The following CRACR2A variants were observed in gnomAD, a reference collection of about 807,000 sequenced individuals.
CRACR2A encodes calcium release activated channel regulator 2A, also known as EF-hand calcium-binding domain-containing protein 4B.
Under a neutral mutation model 90.5 loss-of-function variants are expected in CRACR2A, and 79 were observed. The observed-to-expected ratio is 0.87, with a 90% CI of 0.73 to 1.05. CRACR2A has a LOEUF of 1.05. Ranked by LOEUF, CRACR2A falls within the 50% of genes least tolerant of loss-of-function variation. The pLI, the probability that CRACR2A is intolerant of heterozygous loss-of-function variation, is 0.00. For missense variants in CRACR2A, 823 were observed against 897.2 expected (o/e 0.92, Z 1.06); for synonymous variants, 338 against 356.7 (o/e 0.95, Z 0.59).
chr12:3,664,828 G>A (rs1203292929), intron 7 of CRACR2A, among the ~76,000 whole-genome samples: 5 of 152,148 alleles, frequency 3.3e-5, no homozygotes, highest in South Asian at 2.1e-4. Context: ...CCAACATGGC[G>A]AAATCCCCTC....
chr12:3,692,097 C>T (rs1945657665), intron 4 of CRACR2A, among the ~76,000 whole-genome samples: 3 of 152,156 alleles, frequency 2.0e-5, no homozygotes, highest in Admixed American at 2.0e-4. Context: ...TCAATGTATG[C>T]CTGCATCTCA....
intron 2 of CRACR2A, chr12:3,728,819 TGTG>T (rs1946314014): frequency 6.6e-6 from 1 of 152,212 alleles, no homozygotes; most frequent in Admixed American, 6.5e-5. Context: ...AGCTGCCAGT[TGTG>T]GTCATGTTCA....
intron 7 of CRACR2A, among the ~76,000 whole-genome samples, chr12:3,666,688 G>A (rs2137541802): frequency 6.6e-6 from 1 of 152,354 alleles, no homozygotes; most frequent in Middle Eastern, 3.4e-3. Context: ...CAACATCACT[G>A]GAGCTCCAGC....
intron 7 of CRACR2A, among the ~76,000 whole-genome samples, chr12:3,660,068 T>G (rs1457647807): frequency 6.6e-6 from 1 of 152,226 alleles, no homozygotes; most frequent in East Asian, 1.9e-4. Flanking sequence ...GAAGTTGCAT[T>G]GTGTGGGTTT....
At chr12:3,675,094 T>C (rs1208075261) in intron 6 of CRACR2A, among the ~76,000 whole-genome samples, 1 of 152,330 alleles carries the variant, frequency 6.6e-6, no homozygotes, top group African/African-American at 2.4e-5. Context: ...AATTTGCTTG[T>C]CCATTACAGT....
At chr12:3,729,752 G>A (rs188121121) in intron 2 of CRACR2A, 1 of 152,330 alleles carries the variant, frequency 6.6e-6, no homozygotes, top group East Asian at 1.9e-4. Flanking sequence ...TGGCTAAAAT[G>A]TCAGGTTCTA....
chr12:3,745,820 T>TAAA (rs111237565), intron 1 of CRACR2A, among the ~76,000 whole-genome samples: 1 of 11,242 alleles, frequency 8.9e-5, no homozygotes, highest in Admixed American at 1.2e-3. Flanking sequence ...TAAAATAAAA[T>TAAA]AAAATAAAGA....
chr12:3,702,072 A>G (rs983370617), intron 3 of CRACR2A, among the ~76,000 whole-genome samples: 3 of 152,220 alleles, frequency 2.0e-5, no homozygotes, highest in Non-Finnish European at 2.9e-5. Context: ...CCTTTTGATC[A>G]TCTCAATAGA....
chr12:3,740,297 G>A (rs542934785), intron 1 of CRACR2A, among the ~76,000 whole-genome samples: 58 of 152,280 alleles, frequency 3.8e-4, no homozygotes, highest in African/African-American at 1.4e-3. Flanking sequence ...AGAAAAGTTA[G>A]CTTATTCTTT....
In CRACR2A at chr12:3,657,747, G is replaced by A. The variant is rs140070806; in HGVS notation, c.763-1341C>T. Among the ~76,000 whole-genome samples, 55 of 152,238 alleles carry A rather than the reference G, an allele frequency of 3.6e-4. No individual in the cohort carries two copies. The East Asian group carries it at 9.9e-3, about 27-fold the overall frequency. ...GTGAAAAATGCTGGGAGCAGCGAGC[G>A]GCTCCAGAATCCCCATGATGATGTG... On this transcript the variant is annotated intron_variant, in intron 8 of 19. Coordinates refer to ENST00000440314, the MANE Select transcript of CRACR2A (RefSeq NM_001144958.2).
chr12:3,657,631 C>T (rs575791549), intron 8 of CRACR2A, among the ~76,000 whole-genome samples: 1 of 152,314 alleles, frequency 6.6e-6, no homozygotes, highest in South Asian at 2.1e-4. Context: ...GGCAGAGGTA[C>T]GATCTGACCA....
chr12:3,709,950 T>TC (rs913883048), intron 3 of CRACR2A, among the ~76,000 whole-genome samples: 8 of 152,222 alleles, frequency 5.3e-5, no homozygotes, highest in African/African-American at 1.9e-4. Context: ...TTATTATCAT[T>TC]CCCAGATATA....
chr12:3,615,596 CT>C (rs1017918741), intron 19 of CRACR2A, among the ~76,000 whole-genome samples, 157 bp from the exon 20 acceptor site: 3 of 152,314 alleles, frequency 2.0e-5, no homozygotes, highest in East Asian at 3.9e-4. Context: ...ACATCCCCCC[CT>C]GGACAGTACA....
At chr12:3,689,957 T>C (rs991412671) in intron 4 of CRACR2A, among the ~76,000 whole-genome samples, 7 of 152,066 alleles carry the variant, frequency 4.6e-5, no homozygotes, top group African/African-American at 1.7e-4. Context: ...ATAATATTCT[T>C]TGATGGTTAT....
intron 4 of CRACR2A, among the ~76,000 whole-genome samples, chr12:3,694,071 A>G (rs1415418467): frequency 1.3e-5 from 2 of 152,090 alleles, no homozygotes; most frequent in Non-Finnish European, 2.9e-5. Context: ...CGTGCATGGT[A>G]GCCCCATGCA....
At chr12:3,699,076 T>A (rs1833483411) in intron 3 of CRACR2A, among the ~76,000 whole-genome samples, 1 of 152,204 alleles carries the variant, frequency 6.6e-6, no homozygotes, top group Non-Finnish European at 1.5e-5. Flanking sequence ...ATATGGTAAG[T>A]ATAATTAGGA....
At chr12:3,638,941 A>C (rs1183269592) in intron 13 of CRACR2A, among the ~76,000 whole-genome samples, 2 of 152,114 alleles carry the variant, frequency 1.3e-5, no homozygotes, top group African/African-American at 4.8e-5. Flanking sequence ...GCCCTTACTC[A>C]CTGTGTGTCC....
chr12:3,678,926 C>A lies in CRACR2A; in HGVS notation c.513G>T (p.Lys171Asn), dbSNP rs748749655. ...CTGTCACCACTTACTCTTCCAACAC[C>A]TTTTGGGCTCCAAGTCTGTCCATCA... is the stretch of plus-strand genomic sequence containing the variant. ...RMLMDRLGAQ[K>N]VLEDESDVKQ... The change falls in exon 6 of 20, where the codon AAG (lysine) becomes AAT (asparagine). Residue 171 changes from lysine (K) to asparagine (N), a missense_variant. Lys to Asn is a moderately conservative substitution (Grantham distance 94, BLOSUM62 0). Coordinates refer to ENST00000440314, the MANE Select transcript of CRACR2A (RefSeq NM_001144958.2). The A allele has an allele frequency of 1.6e-5, 25 of 1,607,968 alleles. No homozygotes were observed. In the African/African-American group the frequency reaches 1.9e-4, roughly 12 times the overall value.
chr12:3,694,149 C>T (rs1591692893), intron 4 of CRACR2A, among the ~76,000 whole-genome samples: 1 of 152,234 alleles, frequency 6.6e-6, no homozygotes, highest in Non-Finnish European at 1.5e-5. Context: ...TCAGTGTCTT[C>T]CCTCTGAAGA....
Sources: allele counts gnomAD v4.1 joint callset (sites outside exome capture counted in the v4.1 genomes callset), GRCh38; gene constraint gnomAD v4.1.1; transcripts MANE v1.5; gene names NCBI Gene and HGNC (gene_info 2026-07-23, HGNC 2026-07-21).